Variants in MLYCD observed in about 807,000 individuals in gnomAD.
The protein encoded by MLYCD is malonyl-CoA decarboxylase, also known as malonyl-CoA decarboxylase, mitochondrial.
A neutral mutation model predicts 35.8 loss-of-function variants in MLYCD; 27 were observed. That is an observed-to-expected ratio of 0.75 (90% CI 0.56 to 1.04). The LOEUF is 1.04. Among genes scored for constraint, MLYCD ranks in the 50% least tolerant of loss-of-function variants. The pLI, the probability that MLYCD is intolerant of heterozygous loss-of-function variation, is 0.00. For missense variants in MLYCD, 917 were observed against 665.1 expected (o/e 1.38, Z -4.17); for synonymous variants, 403 against 302.4 (o/e 1.33, Z -3.45).
At chr16:83,900,927 G>C (rs1320212186) in intron 1 of MLYCD, among the ~76,000 whole-genome samples, 2 of 152,020 alleles carry the variant, frequency 1.3e-5, no homozygotes, top group African/African-American at 4.8e-5. Context: ...CCTAATCCAG[G>C]GTTATTTGCA....
Position 83,920,754 on chromosome 16 carries a change from G to C in MLYCD, c.*5265G>C, listed in dbSNP as rs192711895. 6.6e-6 allele frequency: 1 copy of C among 152,352 alleles called. No individual in the cohort carries two copies. Among genetic ancestry groups the C allele is most frequent in the Admixed American group, 6.5e-5 (1 of 15,296 alleles). The allele number at this position is 152,352 out of a possible 1,614,324, so 9.4% of individuals were successfully genotyped here. ...ACATATGTAAAAGCAGGGAGAAATTGCATAACGAACCTACAGACCTATCAC... is the reference window on the plus strand; with the variant it reads ...ACATATGTAAAAGCAGGGAGAAATTCCATAACGAACCTACAGACCTATCAC... On this transcript the variant is annotated 3_prime_UTR_variant, in exon 5 of 5. Coordinates refer to ENST00000262430, the MANE Select transcript of MLYCD (RefSeq NM_012213.3).
chr16:83,925,059 G>C lies in MLYCD; in HGVS notation c.*9570G>C, dbSNP rs900687917. On this transcript the variant is annotated 3_prime_UTR_variant, in exon 5 of 5. Coordinates refer to ENST00000262430, the MANE Select transcript of MLYCD (RefSeq NM_012213.3). The stretch of plus-strand genomic sequence containing the variant: ...CTAGTGCCCCTGTTTGCCGGGGACA[G>C]GCCCTGTCTGGGGCCCTGGTGTGGC... 6.6e-6 allele frequency: 1 copy of C among 152,346 alleles called. No individual in the cohort carries two copies. Among genetic ancestry groups the C allele is most frequent in the Non-Finnish European group, 1.5e-5 (1 of 68,122 alleles). 9.4% of individuals were successfully genotyped at this position (152,346 alleles called of 1,614,324 possible).
intron 1 of MLYCD, among the ~76,000 whole-genome samples, chr16:83,905,462 C>G (rs1235610152): frequency 6.6e-6 from 1 of 152,014 alleles, no homozygotes; most frequent in East Asian, 1.9e-4. Flanking sequence ...ATGTGAAAGT[C>G]TAGAGGTGGG....
At chr16:83,907,164 T>C in intron 2 of MLYCD, 65 bp downstream of exon 2, 1 of 1,361,424 alleles carries the variant, frequency 7.3e-7, no homozygotes, top group South Asian at 1.2e-5. Context: ...GTATGTTTTA[T>C]ATTGGCTAAA....
At position 83,924,197 on chromosome 16, in the gene MLYCD, C is replaced by G. The variant is rs1364276962; in HGVS notation, c.*8708C>G. 3 of 152,276 alleles carry G rather than the reference C, an allele frequency of 2.0e-5. No individual in the cohort carries two copies. The highest frequency in any genetic ancestry group is 7.2e-5 in the African/African-American group (3 of 41,436). 9.4% of individuals were successfully genotyped at this position (152,276 alleles called of 1,614,324 possible). On this transcript the variant is annotated 3_prime_UTR_variant, in exon 5 of 5. Transcript: ENST00000262430. ...AGCTCCGCCGCCACAGAGACAGCCT[C>G]CTCTCATGACCCCAGACTCAGCCCG...
chr16:83,914,518 C>T, intron 4 of MLYCD: 1 of 289,414 alleles, frequency 3.5e-6, no homozygotes, highest in Non-Finnish European at 6.7e-6. Context: ...CCCCAACACT[C>T]TAGTCTCGGT....
intron 2 of MLYCD, among the ~76,000 whole-genome samples, chr16:83,907,735 A>T (rs867369218): frequency 6.6e-6 from 1 of 152,164 alleles, no homozygotes; most frequent in African/African-American, 2.4e-5. Flanking sequence ...GTGGGGCGAG[A>T]TTGCTGGAAG....
chr16:83,911,348 C>G (rs1907174176), intron 3 of MLYCD, among the ~76,000 whole-genome samples: 1 of 152,236 alleles, frequency 6.6e-6, no homozygotes, highest in Non-Finnish European at 1.5e-5. Context: ...GCAGTCTGAG[C>G]TAAACGCTCC....
chr16:83,921,728 G>C lies in MLYCD; in HGVS notation c.*6239G>C, dbSNP rs1907661635. On this transcript the variant is annotated 3_prime_UTR_variant, in exon 5 of 5. Coordinates refer to ENST00000262430, the MANE Select transcript of MLYCD (RefSeq NM_012213.3). ...TGTAGAACCTCTAGAAAGGCAGGTG[G>C]CTTCCAGCTCCTCGCTTTTCCTGAG... is the stretch of plus-strand genomic sequence containing the variant. The C allele has an allele frequency of 6.6e-6, 1 of 152,204 alleles. No individual in the cohort carries two copies. Among genetic ancestry groups the C allele is most frequent in the African/African-American group, 2.4e-5 (1 of 41,438 alleles). 9.4% of individuals were successfully genotyped at this position (152,204 alleles called of 1,614,324 possible). A position where few individuals can be genotyped will look rare whatever the true frequency, so the allele number is the denominator to read the frequency against.
chr16:83,911,722 T>C (rs1328603630), intron 3 of MLYCD: 2 of 158,630 alleles, frequency 1.3e-5, no homozygotes, highest in African/African-American at 4.8e-5. Flanking sequence ...TAAAAGAAAA[T>C]TATATAGGAC....
At position 83,918,791 on chromosome 16, in the gene MLYCD, G is replaced by A. The variant is rs890697090; in HGVS notation, c.*3302G>A. 3.4e-5 allele frequency: 5 copies of A among 145,754 alleles called. No homozygotes were observed. The highest frequency in any genetic ancestry group is 7.4e-5 in the Non-Finnish European group (5 of 67,170). The allele number at this position is 145,754 out of a possible 1,614,324, so 9.0% of individuals were successfully genotyped here. A position where few individuals can be genotyped will look rare whatever the true frequency, so the allele number is the denominator to read the frequency against. On this transcript the variant is annotated 3_prime_UTR_variant, in exon 5 of 5. Coordinates refer to ENST00000262430, the MANE Select transcript of MLYCD (RefSeq NM_012213.3). The stretch of plus-strand genomic sequence containing the variant: ...GCACAGAGAACCACACAGTGCACAG[G>A]AGAATACGCACACACAGTGCACAGA...
rs1907327255 is a variant in MLYCD at position 83,915,119 on chromosome 16, T to C, written c.1112T>C (p.Ile371Thr). The C allele has an allele frequency of 3.7e-6, 6 of 1,614,248 alleles. No homozygotes were observed. The highest frequency in any genetic ancestry group is 4.2e-6 in the Non-Finnish European group (5 of 1,180,040). Residue 371 changes from isoleucine to threonine, a missense_variant, in exon 5 of 5, where the codon ATT (isoleucine) becomes ACT (threonine). By Grantham distance (89) the Ile-to-Thr change is moderately conservative. Transcript: ENST00000262430. ...KEISEITGGP[I>T]NETLKLLLSS... ...ATCTCGGAGATCACAGGTGGCCCCATTAACGAGACCCTCAAGCTCCTCCTC... is the reference window on the plus strand; with the variant it reads ...ATCTCGGAGATCACAGGTGGCCCCACTAACGAGACCCTCAAGCTCCTCCTC...
rs1301272282 is a variant in MLYCD at position 83,918,060 on chromosome 16, T to A, written c.*2571T>A. 1 of 152,236 alleles carries A rather than the reference T, an allele frequency of 6.6e-6. No homozygotes were observed. The highest frequency in any genetic ancestry group is 1.5e-5 in the Non-Finnish European group (1 of 68,040). The allele number at this position is 152,236 out of a possible 1,614,324, so 9.4% of individuals were successfully genotyped here. Reference sequence around the variant, plus strand: ...GGAACTAGCACGCCTGAGGTAGGTCTCGGAATAGTGTTCAAATCCATTTTA... The same window carrying A: ...GGAACTAGCACGCCTGAGGTAGGTCACGGAATAGTGTTCAAATCCATTTTA... On this transcript the variant is annotated 3_prime_UTR_variant, in exon 5 of 5. Transcript: ENST00000262430.
rs1907497077 is a variant in MLYCD at position 83,918,168 on chromosome 16, TTTTA to T, written c.*2685_*2688del. 1 of 152,344 alleles carries T rather than the reference TTTTA, an allele frequency of 6.6e-6. No homozygotes were observed. Among genetic ancestry groups the T allele is most frequent in the Middle Eastern group, 3.4e-3 (1 of 294 alleles). 9.4% of individuals were successfully genotyped at this position (152,344 alleles called of 1,614,324 possible). On this transcript the variant is annotated 3_prime_UTR_variant, in exon 5 of 5. Coordinates refer to ENST00000262430, the MANE Select transcript of MLYCD (RefSeq NM_012213.3). ...TTTAGGTCAAATGTAACCCTCCCGG[TTTTA>T]TTTATCACTCAGGCAGAGTTTCTTA...
chr16:83,899,156 C>T lies in MLYCD; in HGVS notation c.12C>T (p.Phe4=), dbSNP rs1027854085. MRG[F]GPGLTARRLL... Reference sequence around the variant, plus strand: ...TGTTGTGGGGCACCATGCGAGGCTTCGGGCCAGGCTTGACGGCCAGGCGTC... The same window carrying T: ...TGTTGTGGGGCACCATGCGAGGCTTTGGGCCAGGCTTGACGGCCAGGCGTC... Residue 4 remains phenylalanine, a synonymous_variant, in exon 1 of 5, where the codon TTC becomes TTT. Coordinates refer to ENST00000262430, the MANE Select transcript of MLYCD (RefSeq NM_012213.3). The T allele has an allele frequency of 1.7e-5, 20 of 1,148,968 alleles. No homozygotes were observed. Among genetic ancestry groups the T allele is most frequent in the Non-Finnish European group, 2.1e-5 (20 of 937,860 alleles). 71.2% of individuals were successfully genotyped at this position (1,148,968 alleles called of 1,614,324 possible).
At chr16:83,908,598 C>T (rs558360205) in intron 3 of MLYCD, among the ~76,000 whole-genome samples, 13 of 152,240 alleles carry the variant, frequency 8.5e-5, no homozygotes, top group Non-Finnish European at 4.4e-5. Flanking sequence ...GGGACAGATA[C>T]CTGATTCATA....
At chr16:83,902,694 T>C (rs8047914) in intron 1 of MLYCD, among the ~76,000 whole-genome samples, 32,732 of 151,742 alleles carry the variant, frequency 0.22, 4,415 homozygotes, top group African/African-American at 0.38. Flanking sequence ...TTAGGAGAGA[T>C]GGGGTTTTGC....
Position 83,920,732 on chromosome 16 carries a change from T to C in MLYCD, c.*5243T>C, listed in dbSNP as rs1597299600. The C allele has an allele frequency of 6.6e-6, 1 of 152,194 alleles. No homozygotes were observed. The highest frequency in any genetic ancestry group is 2.4e-5 in the African/African-American group (1 of 41,452). The allele number at this position is 152,194 out of a possible 1,614,324, so 9.4% of individuals were successfully genotyped here. ...AACCTCTTATGGAAAATTTCAAACA[T>C]ATGTAAAAGCAGGGAGAAATTGCAT... On this transcript the variant is annotated 3_prime_UTR_variant, in exon 5 of 5. Transcript: ENST00000262430.
rs72791544 is a variant in MLYCD at position 83,925,604 on chromosome 16, G to C, written c.*10115G>C. ...TCCCACCATCCCCGTCACCCTCCCTGTCACACACAGCCCCCTCCGTGGCCT... is the reference window on the plus strand; with the variant it reads ...TCCCACCATCCCCGTCACCCTCCCTCTCACACACAGCCCCCTCCGTGGCCT... On this transcript the variant is annotated 3_prime_UTR_variant, in exon 5 of 5. Transcript: ENST00000262430. The C allele has an allele frequency of 0.17, 25,713 of 152,278 alleles. 2,552 individuals are homozygous for C. Among genetic ancestry groups the C allele is most frequent in the African/African-American group, 0.28 (11,796 of 41,406 alleles). 9.4% of individuals were successfully genotyped at this position (152,278 alleles called of 1,614,324 possible). A position where few individuals can be genotyped will look rare whatever the true frequency, so the allele number is the denominator to read the frequency against.
Sources: allele counts gnomAD v4.1 joint callset (sites outside exome capture counted in the v4.1 genomes callset), GRCh38; gene constraint gnomAD v4.1.1; transcripts MANE v1.5; gene names NCBI Gene and HGNC (gene_info 2026-07-23, HGNC 2026-07-21).